DEPTOR: variants seen among roughly 807,000 people sequenced by gnomAD.
The protein encoded by DEPTOR is DEP domain containing MTOR interacting protein, also known as DEP domain-containing mTOR-interacting protein.
A neutral mutation model predicts 41.6 loss-of-function variants in DEPTOR; 41 were observed. The observed-to-expected ratio is 0.98, with a 90% CI of 0.77 to 1.28. The LOEUF is 1.28. DEPTOR is among the 50% of genes most tolerant of loss of function. The pLI is 0.00. For synonymous variants in DEPTOR, 195 were observed against 192.3 expected, an observed-to-expected ratio of 1.01 and a Z score of -0.12; for missense variants, 514 against 527.9, an observed-to-expected ratio of 0.97 and a Z score of 0.26.
intron 6 of DEPTOR, among the ~76,000 whole-genome samples, chr8:120,004,246 C>G (rs1192963168): frequency 6.6e-6 from 1 of 152,162 alleles, no homozygotes; most frequent in Non-Finnish European, 1.5e-5. Flanking sequence ...TTTTCCTGAT[C>G]TAACTTTTTT....
chr8:119,891,607 A>G (rs900634576), intron 1 of DEPTOR, among the ~76,000 whole-genome samples: 1 of 152,126 alleles, frequency 6.6e-6, no homozygotes, highest in Non-Finnish European at 1.5e-5. Flanking sequence ...CTTCACCCCA[A>G]ACCATTCCCT....
chr8:120,008,960 CT>C, intron 7 of DEPTOR, 68 bp from the exon 8 acceptor site: 1 of 1,480,186 alleles, frequency 6.8e-7, no homozygotes, highest in Non-Finnish European at 9.4e-7. Flanking sequence ...CTGGTTTTCT[CT>C]CCCTCAGAAG....
At chr8:120,015,751 A>G (rs1586658981) in intron 8 of DEPTOR, among the ~76,000 whole-genome samples, 1 of 152,200 alleles carries the variant, frequency 6.6e-6, no homozygotes, top group South Asian at 2.1e-4. Flanking sequence ...TGCCATGGAT[A>G]CCAGCCAGTT....
At chr8:120,024,078 A>G (rs548322465) in intron 8 of DEPTOR, among the ~76,000 whole-genome samples, 1 of 152,280 alleles carries the variant, frequency 6.6e-6, no homozygotes, top group South Asian at 2.1e-4. Context: ...TGTACTAAAA[A>G]TACAAAAACT....
intron 8 of DEPTOR, among the ~76,000 whole-genome samples, chr8:120,010,344 G>A (rs1374492956): frequency 6.6e-6 from 1 of 151,636 alleles, no homozygotes; most frequent in African/African-American, 2.4e-5. Context: ...GCCAGGTATG[G>A]TGGCTCATGC....
At chr8:119,896,755 C>T (rs569364667) in intron 1 of DEPTOR, among the ~76,000 whole-genome samples, 255 of 152,230 alleles carry the variant, frequency 1.7e-3, no homozygotes, top group African/African-American at 5.6e-3. Flanking sequence ...GCCTCGGCCC[C>T]GCAAAGTGCT....
At chr8:119,879,691 AC>A (rs796968970) in intron 1 of DEPTOR, among the ~76,000 whole-genome samples, 59 of 151,918 alleles carry the variant, frequency 3.9e-4, no homozygotes, top group African/African-American at 1.4e-3. Flanking sequence ...AGCCTGGGTG[AC>A]AGAGCAAGAT....
chr8:119,974,890 T>C (rs1393778640), intron 4 of DEPTOR, among the ~76,000 whole-genome samples: 1 of 151,924 alleles, frequency 6.6e-6, no homozygotes, highest in Non-Finnish European at 1.5e-5. Flanking sequence ...AAAGACCTTA[T>C]ACAAATGTAT....
intron 8 of DEPTOR, among the ~76,000 whole-genome samples, chr8:120,036,455 C>T (rs893583007): frequency 2.6e-5 from 4 of 152,150 alleles, no homozygotes; most frequent in African/African-American, 9.7e-5. Context: ...GAACTGGATC[C>T]CTGCCTCCTC....
At chr8:119,925,636 T>G (rs1281973908) in intron 1 of DEPTOR, among the ~76,000 whole-genome samples, 1 of 151,962 alleles carries the variant, frequency 6.6e-6, no homozygotes, top group Non-Finnish European at 1.5e-5. Flanking sequence ...TTACTTTTTG[T>G]TTTTTTGACA....
intron 4 of DEPTOR, among the ~76,000 whole-genome samples, chr8:119,972,810 G>A (rs981202744): frequency 2.0e-5 from 3 of 152,052 alleles, no homozygotes; most frequent in Non-Finnish European, 4.4e-5. Flanking sequence ...TGAATCAGCC[G>A]ACATAGCCTG....
intron 4 of DEPTOR, among the ~76,000 whole-genome samples, chr8:119,992,645 A>G (rs1812189740): frequency 6.7e-6 from 1 of 149,796 alleles, no homozygotes; most frequent in African/African-American, 2.5e-5. Flanking sequence ...CCAACTAGAT[A>G]AGTAGAGTAA....
Position 119,931,450 on chromosome 8 carries a change from G to A in DEPTOR, c.425+1512G>A, listed in dbSNP as rs187017585. On this transcript the variant is annotated intron_variant, in intron 3 of 8. Transcript: ENST00000286234. ...GTGCTGTTGTGGGAGTTAAACGATA[G>A]CTGTGTCAAGTGCTTAAGTATTTAG... Among the ~76,000 whole-genome samples, 3 of 152,292 alleles carry A rather than the reference G, an allele frequency of 2.0e-5. No individual in the cohort carries two copies. The East Asian group carries it at 5.8e-4, about 29-fold the overall frequency.
chr8:119,962,076 A>T (rs1332937425), intron 3 of DEPTOR, among the ~76,000 whole-genome samples: 2 of 145,268 alleles, frequency 1.4e-5, no homozygotes, highest in Non-Finnish European at 3.0e-5. Flanking sequence ...ACCCATCTCT[A>T]CTAAAAATAC....
intron 1 of DEPTOR, among the ~76,000 whole-genome samples, chr8:119,891,598 T>C (rs1827452883): frequency 6.6e-6 from 1 of 152,138 alleles, no homozygotes; most frequent in African/African-American, 2.4e-5. Context: ...TGCTCACTCC[T>C]TCACCCCAAA....
intron 1 of DEPTOR, among the ~76,000 whole-genome samples, chr8:119,888,846 A>T (rs1454788394): frequency 1.7e-5 from 2 of 115,318 alleles, no homozygotes; most frequent in Non-Finnish European, 3.3e-5. Context: ...ACAGAGCAAG[A>T]CTCTGTCTCA....
chr8:120,008,518 ACT>A (rs1447636277), intron 7 of DEPTOR, among the ~76,000 whole-genome samples: 3 of 104,040 alleles, frequency 2.9e-5, no homozygotes, highest in Non-Finnish European at 3.7e-5. Flanking sequence ...ACAGAGCAAG[ACT>A]CTGTCTCAAA....
intron 1 of DEPTOR, chr8:119,874,195 G>C (rs950491903): frequency 3.5e-5 from 22 of 630,416 alleles, no homozygotes; most frequent in Non-Finnish European, 4.6e-5. Flanking sequence ...GCCGACGAGC[G>C]GGTGGTGCGC....
intron 1 of DEPTOR, among the ~76,000 whole-genome samples, chr8:119,908,279 C>G (rs1048500835): frequency 1.3e-5 from 2 of 152,070 alleles, no homozygotes; most frequent in Non-Finnish European, 2.9e-5. Context: ...AGTATCCCCT[C>G]TAATATACTG....
Sources: allele counts gnomAD v4.1 joint callset (sites outside exome capture counted in the v4.1 genomes callset), GRCh38; gene constraint gnomAD v4.1.1; transcripts MANE v1.5; gene names NCBI Gene and HGNC (gene_info 2026-07-23, HGNC 2026-07-21).